SENP2: variants seen among roughly 807,000 people sequenced by gnomAD.
The protein encoded by SENP2 is SUMO specific peptidase 2.
In SENP2, 16 loss-of-function variants were observed where a neutral mutation model predicts 86.3. The ratio of observed to expected loss-of-function variants is 0.19; its 90% CI spans 0.13 to 0.28. The LOEUF (loss-of-function observed/expected upper bound fraction) is 0.28. Among genes scored for constraint, SENP2 ranks in the 10% least tolerant of loss-of-function variants. The pLI, the probability that SENP2 is intolerant of heterozygous loss-of-function variation, is 1.00. For missense variants in SENP2, 552 were observed against 703.0 expected (o/e 0.79, Z 2.43); for synonymous variants, 222 against 238.7 (o/e 0.93, Z 0.64).
chr3:185,611,271 C>T (rs974613489), intron 7 of SENP2, among the ~76,000 whole-genome samples: 16 of 152,192 alleles, frequency 1.1e-4, no homozygotes, highest in Admixed American at 2.0e-4. Context: ...TGCGAGACTC[C>T]GTCTCAAAAA....
chr3:185,588,911 C>G (rs896029505), intron 1 of SENP2, among the ~76,000 whole-genome samples: 1 of 152,072 alleles, frequency 6.6e-6, no homozygotes, highest in African/African-American at 2.4e-5. Flanking sequence ...CATGGTTTGG[C>G]GATCAAAACC....
At chr3:185,596,500 GATCCCA>G (rs1722177744) in intron 2 of SENP2, among the ~76,000 whole-genome samples, 1 of 151,734 alleles carries the variant, frequency 6.6e-6, no homozygotes, top group Non-Finnish European at 1.5e-5. Context: ...GCATGCCTGT[GATCCCA>G]GCTACTCAGG....
chr3:185,624,893 T>C (rs1259457944), intron 15 of SENP2, among the ~76,000 whole-genome samples: 1 of 151,566 alleles, frequency 6.6e-6, no homozygotes, highest in Non-Finnish European at 1.5e-5. Context: ...AAAGAAAAAT[T>C]TGAAGGATAA....
At position 185,603,973 on chromosome 3, in the gene SENP2, T is replaced by C. The variant is rs552027526; in HGVS notation, c.450-2357T>C. Among the ~76,000 whole-genome samples, 119 of 152,092 alleles carry C rather than the reference T, an allele frequency of 7.8e-4. 1 individual carries two copies. Among genetic ancestry groups the C allele is most frequent in the African/African-American group, 2.6e-3 (108 of 41,498 alleles). On this transcript the variant is annotated intron_variant, in intron 5 of 16. Transcript: ENST00000296257. ...CCCATCTCTACTAAAATACAAAAAT[T>C]AGCTGGCCATGGTGGCACACACCTG...
chr3:185,602,231 A>G (rs1373722358), intron 5 of SENP2, among the ~76,000 whole-genome samples: 2 of 152,186 alleles, frequency 1.3e-5, no homozygotes, highest in African/African-American at 4.8e-5. Flanking sequence ...CTATCCACTT[A>G]TATTTAGGAA....
At chr3:185,587,433 C>G (rs1270997426) in intron 1 of SENP2, among the ~76,000 whole-genome samples, 4 of 152,056 alleles carry the variant, frequency 2.6e-5, no homozygotes, top group Admixed American at 6.6e-5. Context: ...GCACTCAGCC[C>G]CAAAAGCTAT....
intron 6 of SENP2, among the ~76,000 whole-genome samples, chr3:185,607,751 C>A (rs756556021): frequency 3.3e-5 from 5 of 152,036 alleles, no homozygotes; most frequent in Non-Finnish European, 7.4e-5. Context: ...GTTTCAAACT[C>A]GTGGGCTCAA....
chr3:185,590,035 T>C (rs550864738), intron 1 of SENP2, 79 bp from the exon 2 acceptor site: 30 of 776,078 alleles, frequency 3.9e-5, no homozygotes, highest in Admixed American at 6.0e-5. Flanking sequence ...GGATGTGTTA[T>C]ATGAATAGTA....
At chr3:185,587,249 C>T (rs567704463) in intron 1 of SENP2, among the ~76,000 whole-genome samples, 3 of 152,262 alleles carry the variant, frequency 2.0e-5, no homozygotes, top group Admixed American at 2.0e-4. Context: ...TCCCCTGCCT[C>T]AGCCTCCCAA....
intron 16 of SENP2, among the ~76,000 whole-genome samples, chr3:185,628,083 T>C (rs1333910085): frequency 1.3e-5 from 2 of 152,230 alleles, no homozygotes; most frequent in African/African-American, 2.4e-5. Flanking sequence ...TTAAGAATCA[T>C]GTGTTAAGAC....
At chr3:185,629,351 C>T (rs115016032) in intron 16 of SENP2, among the ~76,000 whole-genome samples, 2,910 of 152,028 alleles carry the variant, frequency 0.019, 99 homozygotes, top group African/African-American at 0.066. Flanking sequence ...CTGAGGCGGG[C>T]GGATCACCTG....
intron 11 of SENP2, 127 bp from the exon 12 acceptor site, chr3:185,617,353 G>A (rs1711659585): frequency 3.1e-6 from 2 of 637,752 alleles, no homozygotes; most frequent in Admixed American, 6.7e-5. Flanking sequence ...GTAGGTCTTT[G>A]ATAGTATATT....
rs1712500687 is a variant in SENP2 at position 185,632,040 on chromosome 3, A to C, written c.*2196A>C. The C allele has an allele frequency of 6.6e-6, 1 of 151,456 alleles. No individual in the cohort carries two copies. The highest frequency in any genetic ancestry group is 2.1e-4 in the South Asian group (1 of 4,780). 9.4% of individuals were successfully genotyped at this position (151,456 alleles called of 1,614,324 possible). ...TGAGTTCCTGAATTGAATGTGGGAG[A>C]CCACAGGCCATACTTCTCTAGGCAC... On this transcript the variant is annotated 3_prime_UTR_variant, in exon 17 of 17. Transcript: ENST00000296257.
chr3:185,597,408 A>AGTGGC (rs774776269), intron 2 of SENP2, among the ~76,000 whole-genome samples: 41 of 152,062 alleles, frequency 2.7e-4, no homozygotes, highest in Non-Finnish European at 1.2e-4. Context: ...GCTGGAGTGG[A>AGTGGC]GTGGCGTGAT....
chr3:185,617,121 G>T (rs1009235642), intron 11 of SENP2, among the ~76,000 whole-genome samples: 4 of 152,112 alleles, frequency 2.6e-5, no homozygotes, highest in Non-Finnish European at 4.4e-5. Context: ...ACCAGGATTT[G>T]TTGTAAGTAT....
At chr3:185,611,486 C>T in intron 7 of SENP2, 165 bp from the exon 8 acceptor site, 1 of 472,286 alleles carries the variant, frequency 2.1e-6, no homozygotes. Flanking sequence ...CATGATTAGA[C>T]TCCTTTTATC....
chr3:185,613,488 AG>A, intron 10 of SENP2, 80 bp downstream of exon 10: 1 of 844,786 alleles, frequency 1.2e-6, no homozygotes, highest in African/African-American at 1.7e-5. Context: ...AGCAAGAAAA[AG>A]TATATATATA....
At chr3:185,625,566 G>A (rs1477455642) in intron 15 of SENP2, among the ~76,000 whole-genome samples, 1 of 152,124 alleles carries the variant, frequency 6.6e-6, no homozygotes, top group Non-Finnish European at 1.5e-5. Flanking sequence ...CACAGGCCTG[G>A]AGAAGGTGTG....
intron 7 of SENP2, 90 bp from the exon 8 acceptor site, chr3:185,611,561 A>G (rs1697366444): frequency 1.3e-6 from 1 of 761,028 alleles, no homozygotes. Flanking sequence ...AATCACCCCT[A>G]TTTGGAGAAG....
Sources: allele counts gnomAD v4.1 joint callset (sites outside exome capture counted in the v4.1 genomes callset), GRCh38; gene constraint gnomAD v4.1.1; transcripts MANE v1.5; gene names NCBI Gene and HGNC (gene_info 2026-07-23, HGNC 2026-07-21).